INPP4B: variants seen among roughly 807,000 people sequenced by gnomAD.
INPP4B encodes the protein inositol polyphosphate 4-phosphatase type II.
Under a neutral mutation model 122.5 loss-of-function variants are expected in INPP4B, and 55 were observed. The observed-to-expected ratio is 0.45, with a 90% CI of 0.36 to 0.56. The LOEUF is 0.56. Ranked by LOEUF, INPP4B falls within the 20% of genes least tolerant of loss-of-function variation. INPP4B has a pLI of 0.00. For synonymous variants in INPP4B, 403 were observed against 388.7 expected, an observed-to-expected ratio of 1.04 and a Z score of -0.43; for missense variants, 1,000 against 1,097.7, an observed-to-expected ratio of 0.91 and a Z score of 1.26.
chr4:142,519,098 C>G (rs1323077436), intron 2 of INPP4B: 1 of 152,130 alleles, frequency 6.6e-6, no homozygotes, highest in Non-Finnish European at 1.5e-5. Flanking sequence ...TCTGCCACCC[C>G]CTAACATACA....
At chr4:142,214,778 C>G (rs1223155638) in intron 12 of INPP4B, among the ~76,000 whole-genome samples, 1 of 152,180 alleles carries the variant, frequency 6.6e-6, no homozygotes, top group Non-Finnish European at 1.5e-5. Context: ...GACTCGAACT[C>G]CTGACCTCAG....
At chr4:142,054,192 T>G (rs1339725898) in intron 25 of INPP4B, among the ~76,000 whole-genome samples, 2 of 151,626 alleles carry the variant, frequency 1.3e-5, no homozygotes, top group Non-Finnish European at 2.9e-5. Flanking sequence ...TAAAGTAAAA[T>G]AAAACAAAAC....
At chr4:142,512,415 C>T (rs1472813350) in intron 2 of INPP4B, among the ~76,000 whole-genome samples, 1 of 152,146 alleles carries the variant, frequency 6.6e-6, no homozygotes. Context: ...ATTAGTAATA[C>T]ATCAAGTTCC....
chr4:142,549,821 C>T (rs1304558015), intron 2 of INPP4B, among the ~76,000 whole-genome samples: 1 of 152,110 alleles, frequency 6.6e-6, no homozygotes, highest in Non-Finnish European at 1.5e-5. Flanking sequence ...TTGCTTATTT[C>T]CTGGTAAATA....
intron 1 of INPP4B, among the ~76,000 whole-genome samples, chr4:142,838,299 C>G (rs1208027071): frequency 6.6e-6 from 1 of 151,332 alleles, no homozygotes; most frequent in Non-Finnish European, 1.5e-5. Context: ...TTGGGCTTTT[C>G]TCTACTTCCC....
chr4:142,396,818 C>T (rs970519978), intron 7 of INPP4B, among the ~76,000 whole-genome samples: 2 of 151,790 alleles, frequency 1.3e-5, no homozygotes, highest in African/African-American at 2.4e-5. Flanking sequence ...TCTAAAAACA[C>T]GTTGAAGAAA....
At chr4:142,164,885 A>G (rs1352355026) in intron 16 of INPP4B, among the ~76,000 whole-genome samples, 1 of 151,748 alleles carries the variant, frequency 6.6e-6, no homozygotes. Flanking sequence ...AACGTGAGCT[A>G]CTGTGCCCAT....
chr4:142,356,858 C>T (rs756358675), intron 7 of INPP4B, among the ~76,000 whole-genome samples: 7 of 151,778 alleles, frequency 4.6e-5, no homozygotes, highest in Non-Finnish European at 1.0e-4. Context: ...AGCCCCAGCC[C>T]TCATCCTGCA....
intron 7 of INPP4B, among the ~76,000 whole-genome samples, chr4:142,387,492 A>AG (rs1796333623): frequency 6.6e-6 from 1 of 150,444 alleles, no homozygotes; most frequent in Non-Finnish European, 1.5e-5. Flanking sequence ...AAAAAAAAAA[A>AG]AAGAAAGAAA....
At chr4:142,522,559 A>G (rs770505801) in intron 2 of INPP4B, among the ~76,000 whole-genome samples, 26 of 151,980 alleles carry the variant, frequency 1.7e-4, no homozygotes, top group Non-Finnish European at 3.1e-4. Context: ...CTGAGTTCCA[A>G]TGCTATATCA....
intron 7 of INPP4B, among the ~76,000 whole-genome samples, chr4:142,363,288 T>C (rs1386001321): frequency 6.6e-6 from 1 of 151,986 alleles, no homozygotes; most frequent in Non-Finnish European, 1.5e-5. Context: ...TTTCAAGGGC[T>C]ACTCCTCCAG....
At chr4:142,722,321 C>G (rs1764794058) in intron 2 of INPP4B, among the ~76,000 whole-genome samples, 1 of 151,986 alleles carries the variant, frequency 6.6e-6, no homozygotes, top group Non-Finnish European at 1.5e-5. Flanking sequence ...AGAAAGCAGA[C>G]CAGACATTCA....
chr4:142,260,306 A>G (rs1343009374), intron 11 of INPP4B, among the ~76,000 whole-genome samples, 186 bp downstream of exon 11: 1 of 152,120 alleles, frequency 6.6e-6, no homozygotes, highest in Non-Finnish European at 1.5e-5. Flanking sequence ...TTTGCAATAT[A>G]GCTAGTACAT....
intron 7 of INPP4B, among the ~76,000 whole-genome samples, chr4:142,364,117 G>A (rs114501873): frequency 0.015 from 2,267 of 152,130 alleles, 71 homozygotes; most frequent in African/African-American, 0.05. Context: ...TTGGGAATAT[G>A]AGAAAACAGC....
chr4:142,078,927 A>G (rs1342876525), intron 25 of INPP4B, among the ~76,000 whole-genome samples: 1 of 152,082 alleles, frequency 6.6e-6, no homozygotes, highest in Non-Finnish European at 1.5e-5. Context: ...TCAAAAACAT[A>G]CAAATCAAAT....
chr4:142,520,960 C>G (rs1439155197), intron 2 of INPP4B, among the ~76,000 whole-genome samples: 7 of 151,908 alleles, frequency 4.6e-5, no homozygotes, highest in Admixed American at 3.3e-4. Context: ...CCATATAAAA[C>G]TGTGTGCAAG....
intron 2 of INPP4B, among the ~76,000 whole-genome samples, chr4:142,628,459 G>T (rs1243782286): frequency 7.8e-6 from 1 of 127,562 alleles, no homozygotes; most frequent in African/African-American, 2.9e-5. Context: ...ATACCTAAAT[G>T]CTAGATGACG....
chr4:142,600,351 C>A (rs551710719), intron 2 of INPP4B, among the ~76,000 whole-genome samples: 24 of 152,208 alleles, frequency 1.6e-4, no homozygotes, highest in Admixed American at 8.5e-4. Flanking sequence ...CTCTAATACC[C>A]AAGGGTACTA....
intron 15 of INPP4B, among the ~76,000 whole-genome samples, chr4:142,183,424 C>T (rs962042599): frequency 6.6e-6 from 1 of 152,198 alleles, no homozygotes; most frequent in Non-Finnish European, 1.5e-5. Context: ...TATCATGTAA[C>T]ACAGCCAAGT....
Sources: gnomAD v4.1 joint callset for allele counts (sites outside exome capture counted in the v4.1 genomes callset) on GRCh38, gnomAD v4.1.1 for gene constraint, MANE v1.5 for transcripts, NCBI Gene and HGNC (gene_info 2026-07-23, HGNC 2026-07-21) for gene names.